PREX2: variants seen among roughly 807,000 people sequenced by gnomAD.
PREX2 encodes phosphatidylinositol 3,4,5-trisphosphate-dependent Rac exchanger 2 protein.
PREX2 carries 107 observed loss-of-function variants against 203.2 expected under a neutral mutation model. The ratio of observed to expected loss-of-function variants is 0.53; its 90% confidence interval spans 0.45 to 0.62. The LOEUF is 0.62. PREX2 is among the 20% of genes least tolerant of loss of function. PREX2 has a pLI of 0.00. For missense variants in PREX2, 1,777 were observed against 1,955.9 expected (o/e 0.91, Z 1.72); for synonymous variants, 672 against 663.6 (o/e 1.01, Z -0.19).
At chr8:68,005,569 G>C (rs1807070064) in intron 1 of PREX2, among the ~76,000 whole-genome samples, 1 of 151,944 alleles carries the variant, frequency 6.6e-6, no homozygotes, top group Non-Finnish European at 1.5e-5. Context: ...CCTTCCTTTG[G>C]GTCGTACATA....
rs72662903 is a variant in PREX2 at position 68,116,158 on chromosome 8, G to A, written c.3326+226G>A. On this transcript the variant is annotated intron_variant, in intron 26 of 39. Transcript: ENST00000288368. ...GCTTGGAAAAAGCATTTTTTCGCTG[G>A]TTGTGTGAGCCTAATTTGGGAGAGT... 1.3e-3 allele frequency among the ~76,000 whole-genome samples: 201 copies of A among 152,186 alleles called. 1 individual carries two copies. Among genetic ancestry groups the A allele is most frequent in the Middle Eastern group, 0.01 (3 of 294 alleles).
chr8:68,109,522 A>G lies in PREX2; in HGVS notation c.3045A>G (p.Leu1015=). The change falls in exon 25 of 40, where the codon CTA becomes CTG. Residue 1015 remains leucine (L), a synonymous_variant. Coordinates refer to ENST00000288368, the MANE Select transcript of PREX2 (RefSeq NM_024870.4). Reference sequence around the variant, plus strand: ...ATGGCCATGGTCTCAGGTATCTGCTAAAAGAAGAAGACTTAGAAACCCAAG... The same window carrying G: ...ATGGCCATGGTCTCAGGTATCTGCTGAAAGAAGAAGACTTAGAAACCCAAG... The part of the protein sequence containing the change: ...QQDGHGLRYL[L]KEEDLETQDI... 1 of 1,614,050 alleles carries G rather than the reference A, an allele frequency of 6.2e-7. No individual in the cohort carries two copies. The highest frequency in any genetic ancestry group is 1.3e-5 in the African/African-American group (1 of 75,040).
chr8:68,135,770 A>G (rs1451835100), intron 32 of PREX2, among the ~76,000 whole-genome samples: 2 of 152,208 alleles, frequency 1.3e-5, no homozygotes, highest in Non-Finnish European at 2.9e-5. Flanking sequence ...AAAATCTTGT[A>G]TGCAAACATT....
rs375046755 is a variant in PREX2, at chr8:68,019,655, C to A, written c.320C>A (p.Thr107Asn). ...CCTAATGCTCAACAAGAAGTGGGAACCTGCTTTCTTCACTTTGTAGGATAA... is the reference window on the plus strand; with the variant it reads ...CCTAATGCTCAACAAGAAGTGGGAAACTGCTTTCTTCACTTTGTAGGATAA... ...PEPNAQQEVG[T>N]CFLHFKDKFR... Residue 107 changes from threonine to asparagine, a missense_variant, in exon 3 of 40, where the codon ACC (threonine) becomes AAC (asparagine). Thr to Asn is a moderately conservative substitution (Grantham distance 65, BLOSUM62 0). Transcript: ENST00000288368. The A allele has an allele frequency of 5.6e-6, 9 of 1,606,940 alleles. No individual in the cohort carries two copies. The highest frequency in any genetic ancestry group is 7.6e-6 in the Non-Finnish European group (9 of 1,178,362).
At chr8:68,219,804 C>T (rs928261510) in intron 38 of PREX2, among the ~76,000 whole-genome samples, 2 of 152,188 alleles carry the variant, frequency 1.3e-5, no homozygotes, top group Admixed American at 6.5e-5. Context: ...GGCCGATCCA[C>T]AAGCCAACTC....
rs1563555356 is a variant in PREX2, at chr8:68,121,013, CGGACTCTTGCTCAGAACATCA to C, written c.3692_3712del (p.Thr1231_Arg1237del). 6.2e-7 allele frequency: 1 copy of C among 1,613,696 alleles called. No individual in the cohort carries two copies. The highest frequency in any genetic ancestry group is 1.1e-5 in the South Asian group (1 of 91,040). ...TCCTTGGAATCTTCCCAGCAGCGTC[CGGACTCTTGCTCAGAACATCA>C]GGAAATTTGTTGAAGGTCAGCATGA... is the stretch of plus-strand genomic sequence containing the variant. On this transcript the variant is annotated inframe_deletion, in exon 30 of 40. Coordinates refer to ENST00000288368, the MANE Select transcript of PREX2 (RefSeq NM_024870.4).
At chr8:68,080,699 T>A (rs1428258758) in intron 16 of PREX2, 47 bp from the exon 17 acceptor site, 1 of 1,474,250 alleles carries the variant, frequency 6.8e-7, no homozygotes, top group South Asian at 1.2e-5. Flanking sequence ...GACTTGTAAT[T>A]TTTTTCATAG....
chr8:68,148,842 G>A (rs1165105920), intron 34 of PREX2, among the ~76,000 whole-genome samples: 1 of 152,070 alleles, frequency 6.6e-6, no homozygotes, highest in Admixed American at 6.5e-5. Flanking sequence ...ATTTAACGGG[G>A]GTGCAGAAGT....
chr8:68,045,626 G>A (rs73267949), intron 8 of PREX2, among the ~76,000 whole-genome samples: 14,505 of 152,140 alleles, frequency 0.095, 756 homozygotes, highest in Middle Eastern at 0.12. Context: ...AAACTCAGGT[G>A]GTGCCTGAGA....
At chr8:68,097,460 G>A (rs940863666) in intron 22 of PREX2, among the ~76,000 whole-genome samples, 11 of 152,096 alleles carry the variant, frequency 7.2e-5, no homozygotes, top group Non-Finnish European at 1.2e-4. Context: ...AAGTAGCTGG[G>A]ATTACAGGCA....
At chr8:68,069,484 A>C (rs1338831076) in intron 12 of PREX2, among the ~76,000 whole-genome samples, 1 of 151,100 alleles carries the variant, frequency 6.6e-6, no homozygotes, top group Non-Finnish European at 1.5e-5. Flanking sequence ...ACAGTTGACA[A>C]TACTTTGTTG....
chr8:68,183,838 C>T (rs1338155850), intron 35 of PREX2, among the ~76,000 whole-genome samples: 3 of 152,004 alleles, frequency 2.0e-5, no homozygotes, highest in Admixed American at 6.6e-5. Context: ...CAGGGAAATG[C>T]TTTTTTAAAA....
chr8:68,156,524 C>T (rs1013970762), intron 34 of PREX2, among the ~76,000 whole-genome samples: 9 of 152,166 alleles, frequency 5.9e-5, no homozygotes, highest in African/African-American at 2.2e-4. Context: ...AAATAATTTT[C>T]TCTCTACCTT....
intron 20 of PREX2, 56 bp downstream of exon 20, chr8:68,090,771 G>C: frequency 6.7e-7 from 1 of 1,495,452 alleles, no homozygotes. Context: ...AAAGACCTAA[G>C]GGGTTGAGGT....
chr8:68,135,792 T>G (rs931863160), intron 32 of PREX2, among the ~76,000 whole-genome samples: 1 of 152,200 alleles, frequency 6.6e-6, no homozygotes, highest in Non-Finnish European at 1.5e-5. Context: ...CTAGCAAGAT[T>G]ATTCATAGTA....
At chr8:68,081,457 A>G (rs1009618178) in intron 17 of PREX2, among the ~76,000 whole-genome samples, 1 of 152,128 alleles carries the variant, frequency 6.6e-6, no homozygotes, top group African/African-American at 2.4e-5. Context: ...CTGGGAGGCC[A>G]AGTGGCTCAT....
chr8:68,136,665 A>AT (rs1235658092), intron 32 of PREX2, among the ~76,000 whole-genome samples: 2 of 152,082 alleles, frequency 1.3e-5, no homozygotes, highest in Non-Finnish European at 2.9e-5. Flanking sequence ...CTTCAAAAGG[A>AT]TTTTTTTAAG....
At chr8:68,218,776 C>A (rs1281633488) in intron 38 of PREX2, among the ~76,000 whole-genome samples, 1 of 152,120 alleles carries the variant, frequency 6.6e-6, no homozygotes, top group Non-Finnish European at 1.5e-5. Context: ...ACAGAGAGAG[C>A]ATATACATTG....
chr8:68,115,042 T>A (rs1810620374), intron 25 of PREX2, among the ~76,000 whole-genome samples: 1 of 145,962 alleles, frequency 6.9e-6, no homozygotes, highest in South Asian at 2.2e-4. Context: ...TTTTTTTTTT[T>A]TTGAGTTGGA....
Sources: allele counts gnomAD v4.1 joint callset (sites outside exome capture counted in the v4.1 genomes callset), GRCh38; gene constraint gnomAD v4.1.1; transcripts MANE v1.5; gene names NCBI Gene and HGNC (gene_info 2026-07-23, HGNC 2026-07-21).